KIF16B: variants seen among roughly 807,000 people sequenced by gnomAD.
KIF16B encodes the protein kinesin-like protein KIF16B.
In KIF16B, 98 loss-of-function variants were observed where a neutral mutation model predicts 156.3. That is an observed-to-expected ratio of 0.63 (90% confidence interval 0.53 to 0.74). KIF16B has a LOEUF of 0.74. Ranked by LOEUF, KIF16B falls within the 30% of genes least tolerant of loss-of-function variation. The probability of loss-of-function intolerance (pLI) is 0.00; values close to 1 mark genes in which losing one functional copy is unlikely to be tolerated. For missense variants in KIF16B, 1,421 were observed against 1,606.5 expected (o/e 0.88, Z 1.97); for synonymous variants, 564 against 583.7 (o/e 0.97, Z 0.49).
Position 16,507,855 on chromosome 20 carries a change from C to T in KIF16B, c.699+103G>A, listed in dbSNP as rs1368503915. Reference sequence around the variant, plus strand: ...AGAAAATGACAGTCAGTCACCTTTACCTGCTGCTGCTCCTGGTTCAACAAT... The same window carrying T: ...AGAAAATGACAGTCAGTCACCTTTATCTGCTGCTGCTCCTGGTTCAACAAT... On this transcript the variant is annotated intron_variant, in intron 7 of 25. Transcript: ENST00000354981. The T allele has an allele frequency of 2.4e-6, 3 of 1,250,038 alleles. No individual in the cohort carries two copies. The East Asian group carries it at 7.0e-5, about 29-fold the overall frequency. The allele number at this position is 1,250,038 out of a possible 1,614,324, so 77.4% of individuals were successfully genotyped here. A position where few individuals can be genotyped will look rare whatever the true frequency, so the allele number is the denominator to read the frequency against.
intron 15 of KIF16B, among the ~76,000 whole-genome samples, chr20:16,409,003 C>T (rs548903882): frequency 3.9e-5 from 6 of 152,074 alleles, no homozygotes; most frequent in Non-Finnish European, 5.9e-5. Context: ...TTCAGACATA[C>T]GCTTTGCCTT....
chr20:16,437,982 A>T (rs1329560667), intron 12 of KIF16B, among the ~76,000 whole-genome samples: 11 of 124,464 alleles, frequency 8.8e-5, no homozygotes, highest in South Asian at 2.8e-4. Context: ...AAAATAAAAA[A>T]AAATAATAAA....
intron 25 of KIF16B, among the ~76,000 whole-genome samples, chr20:16,291,718 G>A (rs1399307523): frequency 2.6e-5 from 4 of 152,168 alleles, no homozygotes; most frequent in Non-Finnish European, 5.9e-5. Context: ...AGTAAGAAAT[G>A]TCAGTATGTA....
chr20:16,289,691 A>G (rs982103212), intron 25 of KIF16B, among the ~76,000 whole-genome samples: 1 of 151,958 alleles, frequency 6.6e-6, no homozygotes, highest in Admixed American at 6.6e-5. Flanking sequence ...AATACAAAAA[A>G]TTAGCCGGGC....
At position 16,506,129 on chromosome 20, in the gene KIF16B, G is replaced by T. The variant is rs1209887481; in HGVS notation, c.761C>A (p.Ala254Asp). Residue 254 changes from alanine to aspartate, a missense_variant, in exon 8 of 26, where the codon GCC (alanine) becomes GAC (aspartate). Physicochemically the swap from Ala to Asp is moderately radical, Grantham distance 126. Coordinates refer to ENST00000354981, the MANE Select transcript of KIF16B (RefSeq NM_024704.5). The stretch of plus-strand genomic sequence containing the variant: ...GGTGGCATCTGCACGCTCACTTCCG[G>T]CAAGATCAACCAAGTGGATCTTACT... Reference protein sequence around the residue: ...TVSKIHLVDLAGSERADATGA... With the variant: ...TVSKIHLVDLDGSERADATGA... 2 of 1,613,874 alleles carry T rather than the reference G, an allele frequency of 1.2e-6. No individual in the cohort carries two copies. The highest frequency in any genetic ancestry group is 2.2e-5 in the East Asian group (1 of 44,878).
chr20:16,389,520 G>C (rs1476996112), intron 17 of KIF16B, among the ~76,000 whole-genome samples: 1 of 152,126 alleles, frequency 6.6e-6, no homozygotes, highest in Non-Finnish European at 1.5e-5. Context: ...CGACTACAGA[G>C]GGTTCTTCAA....
At chr20:16,388,870 A>G (rs1425883673) in intron 17 of KIF16B, among the ~76,000 whole-genome samples, 1 of 152,182 alleles carries the variant, frequency 6.6e-6, no homozygotes, top group Non-Finnish European at 1.5e-5. Context: ...GTGTGTCTTC[A>G]TGGTGATTCG....
chr20:16,401,380 T>C (rs998059376), intron 17 of KIF16B, among the ~76,000 whole-genome samples: 6 of 152,160 alleles, frequency 3.9e-5, no homozygotes, highest in African/African-American at 1.4e-4. Context: ...CCCCTGGGAC[T>C]TGCAGTATCC....
chr20:16,286,648 A>G lies in KIF16B; in HGVS notation c.3796-13237T>C, dbSNP rs535100360. ...ATGTCCAGAATTCCCAGAATCATTT[A>G]AAAATAACCTTAGTCTAAGAGTGGA... On this transcript the variant is annotated intron_variant, in intron 25 of 25. Transcript: ENST00000354981. 3.9e-5 allele frequency among the ~76,000 whole-genome samples: 6 copies of G among 152,296 alleles called. No homozygotes were observed. In the East Asian group the frequency reaches 1.2e-3, roughly 29 times the overall value.
intron 10 of KIF16B, among the ~76,000 whole-genome samples, chr20:16,497,985 T>C (rs1441022761): frequency 6.6e-6 from 1 of 152,202 alleles, no homozygotes; most frequent in East Asian, 1.9e-4. Flanking sequence ...ATCTTAAGGA[T>C]TCGCCTCTTT....
At chr20:16,301,158 G>T in intron 25 of KIF16B, among the ~76,000 whole-genome samples, 1 of 152,098 alleles carries the variant, frequency 6.6e-6, no homozygotes. Context: ...TCTCTTCATG[G>T]CTTGAAAGCT....
At chr20:16,330,531 A>G (rs1332566167) in intron 24 of KIF16B, among the ~76,000 whole-genome samples, 1 of 152,226 alleles carries the variant, frequency 6.6e-6, no homozygotes, top group African/African-American at 2.4e-5. Flanking sequence ...CATGAACCAG[A>G]AGACATATAG....
intron 12 of KIF16B, among the ~76,000 whole-genome samples, chr20:16,447,831 C>T (rs1281580063): frequency 6.6e-6 from 1 of 152,132 alleles, no homozygotes; most frequent in Non-Finnish European, 1.5e-5. Context: ...ACAAGCCAGG[C>T]ATGGTGGTAG....
chr20:16,450,254 A>C (rs2067043443), intron 12 of KIF16B, among the ~76,000 whole-genome samples: 1 of 152,190 alleles, frequency 6.6e-6, no homozygotes, highest in South Asian at 2.1e-4. Context: ...ATACCTATAC[A>C]CACGCCTCAG....
intron 12 of KIF16B, among the ~76,000 whole-genome samples, chr20:16,454,148 T>C (rs1333735007): frequency 1.3e-5 from 2 of 152,148 alleles, no homozygotes; most frequent in East Asian, 3.8e-4. Flanking sequence ...GACATACTGC[T>C]ACGTGAATAC....
intron 23 of KIF16B, among the ~76,000 whole-genome samples, chr20:16,337,958 A>T (rs73236242): frequency 0.042 from 6,463 of 152,248 alleles, 448 homozygotes; most frequent in African/African-American, 0.15. Flanking sequence ...CACAGGTGAG[A>T]CTATACTATA....
At chr20:16,314,840 C>T (rs2063673241) in intron 24 of KIF16B, among the ~76,000 whole-genome samples, 1 of 152,076 alleles carries the variant, frequency 6.6e-6, no homozygotes, top group African/African-American at 2.4e-5. Context: ...AACCTGGACT[C>T]AGTGGCACAA....
chr20:16,313,502 GCA>G (rs1219232091), intron 24 of KIF16B, among the ~76,000 whole-genome samples: 4 of 152,154 alleles, frequency 2.6e-5, no homozygotes, highest in African/African-American at 9.7e-5. Context: ...TTCAAAATCT[GCA>G]CACACTGTGT....
intron 22 of KIF16B, among the ~76,000 whole-genome samples, chr20:16,363,739 T>C (rs2064598911): frequency 6.6e-6 from 1 of 152,200 alleles, no homozygotes; most frequent in Non-Finnish European, 1.5e-5. Flanking sequence ...CCGACCCTGG[T>C]TGAGCAACAG....
Sources: gnomAD v4.1 joint callset for allele counts (sites outside exome capture counted in the v4.1 genomes callset) on GRCh38, gnomAD v4.1.1 for gene constraint, MANE v1.5 for transcripts, NCBI Gene and HGNC (gene_info 2026-07-23, HGNC 2026-07-21) for gene names.